Variants in SPTBN5 observed in about 807,000 individuals in gnomAD.
SPTBN5 encodes spectrin beta, non-erythrocytic 5, also known as spectrin beta chain, non-erythrocytic 5.
A neutral mutation model predicts 477.6 loss-of-function variants in SPTBN5; 513 were observed. The observed-to-expected ratio is 1.07, with a 90% confidence interval of 1.00 to 1.16. The LOEUF (loss-of-function observed/expected upper bound fraction) is 1.16. Among genes scored for constraint, SPTBN5 ranks in the 50% most tolerant of loss-of-function variants. The pLI is 0.00. For missense variants in SPTBN5, 5,062 were observed against 4,731.8 expected, an observed-to-expected ratio of 1.07 and a Z score of -2.05; for synonymous variants, 2,169 against 2,011.7, an observed-to-expected ratio of 1.08 and a Z score of -2.09.
At chr15:41,885,164 C>T (rs1567229571) in intron 7 of SPTBN5, among the ~76,000 whole-genome samples, 1 of 152,148 alleles carries the variant, frequency 6.6e-6, no homozygotes, top group Non-Finnish European at 1.5e-5. Context: ...GCTGAGATTA[C>T]AGGCGCCCGC....
At chr15:41,852,088 C>T in intron 62 of SPTBN5, 94 bp downstream of exon 62, 1 of 1,459,460 alleles carries the variant, frequency 6.9e-7, no homozygotes. Flanking sequence ...GCACTGGCTC[C>T]AGGGTGTGGG....
intron 4 of SPTBN5, 64 bp from the exon 5 acceptor site, chr15:41,888,149 G>A: frequency 6.7e-7 from 1 of 1,492,768 alleles, no homozygotes; most frequent in South Asian, 1.2e-5. Flanking sequence ...GAGCCTGCAG[G>A]CTGTGGGAGA....
chr15:41,849,039 C>T (rs572045586), intron 67 of SPTBN5, among the ~76,000 whole-genome samples: 6 of 152,344 alleles, frequency 3.9e-5, no homozygotes, highest in Non-Finnish European at 5.9e-5. Flanking sequence ...GGCTGCCACC[C>T]CTCATGGTAT....
In SPTBN5 at chr15:41,882,255, C is replaced by A; in HGVS notation, c.2247+14G>T. ...GGGCCCCGCCCCCACCCCGCCTCCA[C>A]CCCTCCCCACTACCTGCAGGACCAG... On this transcript the variant is annotated intron_variant, in intron 11 of 67. Coordinates refer to ENST00000320955, the MANE Select transcript of SPTBN5 (RefSeq NM_016642.4). 1.4e-6 allele frequency: 2 copies of A among 1,435,530 alleles called. No homozygotes were observed. Among genetic ancestry groups the A allele is most frequent in the East Asian group, 2.7e-5 (1 of 37,330 alleles). The allele number at this position is 1,435,530 out of a possible 1,614,324, so 88.9% of individuals were successfully genotyped here.
intron 38 of SPTBN5, 61 bp from the exon 39 acceptor site, chr15:41,865,964 G>C: frequency 6.5e-7 from 1 of 1,545,074 alleles, no homozygotes; most frequent in Non-Finnish European, 8.8e-7. Context: ...CCTGGCACCT[G>C]CTGCTGGGGA....
chr15:41,882,721 T>TGTTCCAGCAGGGCCC lies in SPTBN5; in HGVS notation c.1909_1910insGGGCCCTGCTGGAAC (p.Arg632_Glu636dup). 1 of 1,610,170 alleles carries TGTTCCAGCAGGGCCC rather than the reference T, an allele frequency of 6.2e-7. No homozygotes were observed. Among genetic ancestry groups the TGTTCCAGCAGGGCCC allele is most frequent in the Non-Finnish European group, 8.5e-7 (1 of 1,178,544 alleles). Reference sequence around the variant, plus strand: ...CAGGAACTCTGCCCGCTGCAGGGTCTGCTCCAGCAGGGCCCGCCTGAGGGA... The same window carrying TGTTCCAGCAGGGCCC: ...CAGGAACTCTGCCCGCTGCAGGGTCTGTTCCAGCAGGGCCCGCTCCAGCAGGGCCCGCCTGAGGGA... On this transcript the variant is annotated inframe_insertion, in exon 10 of 68. Transcript: ENST00000320955.
rs2065627576 is a variant in SPTBN5, at chr15:41,848,446, TAGGACCCATCTAACCAGAAGGA to T, written c.*148_*169del. On this transcript the variant is annotated 3_prime_UTR_variant, in exon 68 of 68. Coordinates refer to ENST00000320955, the MANE Select transcript of SPTBN5 (RefSeq NM_016642.4). ...GCAATGGCTGTTTCCTGCCACATGG[TAGGACCCATCTAACCAGAAGGA>T]ACTGTCTATTCCAGAAGCTGGGCCT... The T allele has an allele frequency of 4.0e-6, 3 of 753,192 alleles. No homozygotes were observed. Among genetic ancestry groups the T allele is most frequent in the Non-Finnish European group, 7.0e-6 (3 of 427,016 alleles). The allele number at this position is 753,192 out of a possible 1,614,324, so 46.7% of individuals were successfully genotyped here.
At chr15:41,875,332 G>C in intron 22 of SPTBN5, 126 bp downstream of exon 22, 1 of 1,225,266 alleles carries the variant, frequency 8.2e-7, no homozygotes, top group East Asian at 2.5e-5. Flanking sequence ...GCTTGTCCTA[G>C]GCCAGAAGCC....
chr15:41,851,713 C>A, intron 63 of SPTBN5, 66 bp downstream of exon 63: 1 of 1,278,072 alleles, frequency 7.8e-7, no homozygotes. Flanking sequence ...CCAGATGGCT[C>A]TTCGAGCCAC....
rs1442414927 is a variant in SPTBN5 at position 41,878,499 on chromosome 15, G to C, written c.3313C>G (p.Gln1105Glu). The change falls in exon 17 of 68, where the codon CAG becomes GAG. Residue 1105 changes from glutamine (Q) to glutamate (E), a missense_variant. Gln to Glu is a conservative substitution (Grantham distance 29, BLOSUM62 2). Coordinates refer to ENST00000320955, the MANE Select transcript of SPTBN5 (RefSeq NM_016642.4). ...TGCTGGCTCTCTTGCAGGAAGCTCTGCCGGGCCTGAGTCTCAGCCTGGCGC... is the reference window on the plus strand; with the variant it reads ...TGCTGGCTCTCTTGCAGGAAGCTCTCCCGGGCCTGAGTCTCAGCCTGGCGC... ...ARRQAETQAR[Q>E]SFLQESQQLL... 6.2e-7 allele frequency: 1 copy of C among 1,613,286 alleles called. No homozygotes were observed.
At chr15:41,871,682 G>A (rs1350306071) in intron 28 of SPTBN5, 100 bp downstream of exon 28, 21 of 1,428,208 alleles carry the variant, frequency 1.5e-5, no homozygotes, top group South Asian at 3.0e-5. Context: ...AGGGCTCACC[G>A]CTCTGCTGCC....
chr15:41,857,870 G>A (rs1400621112), intron 49 of SPTBN5, among the ~76,000 whole-genome samples, 160 bp from the exon 50 acceptor site: 3 of 152,160 alleles, frequency 2.0e-5, no homozygotes, highest in African/African-American at 4.8e-5. Context: ...TTCCTCATCC[G>A]TATCATAGAG....
At chr15:41,853,152 C>T in intron 59 of SPTBN5, 106 bp downstream of exon 59, 11 of 1,492,116 alleles carry the variant, frequency 7.4e-6, no homozygotes, top group Non-Finnish European at 9.9e-6. Flanking sequence ...TGCCTGCGCC[C>T]AGCCTTCCTT....
chr15:41,861,648 A>G (rs1253311945), intron 45 of SPTBN5, 87 bp downstream of exon 45: 2 of 1,499,352 alleles, frequency 1.3e-6, no homozygotes, highest in Non-Finnish European at 1.8e-6. Context: ...CAGCCCCTCC[A>G]GTCTTAGCCT....
In SPTBN5 at chr15:41,882,114, C is replaced by T; in HGVS notation, c.2279G>A (p.Trp760Ter). The T allele has an allele frequency of 1.3e-6, 2 of 1,574,344 alleles. No individual in the cohort carries two copies. The highest frequency in any genetic ancestry group is 1.7e-6 in the Non-Finnish European group (2 of 1,171,244). ...CAGCGAGGATCGCCGCTCGCGCAGC[C>T]ACGAAGCCGCCTCCGCCGCGTCCGC... Reference protein sequence around the residue: ...YFADAAEAASWLRERRSSLER... With the variant: ...YFADAAEAAS Residue 760 changes from tryptophan to a stop codon, truncating the protein, a stop_gained, in exon 12 of 68, where the codon TGG becomes TAG. Transcript: ENST00000320955. LOFTEE classifies it high-confidence loss of function.
chr15:41,887,874 C>A (rs1483347738), intron 5 of SPTBN5, 54 bp downstream of exon 5: 14 of 1,558,306 alleles, frequency 9.0e-6, no homozygotes, highest in African/African-American at 1.4e-5. Context: ...GGACCCAAAC[C>A]CAGGAGCTGT....
chr15:41,870,590 G>A (rs1428261064), intron 29 of SPTBN5, 30 bp from the exon 30 acceptor site: 3 of 1,577,646 alleles, frequency 1.9e-6, no homozygotes, highest in Non-Finnish European at 2.6e-6. Flanking sequence ...GACCAGCCGG[G>A]GATCAGCTGC....
chr15:41,877,143 C>T lies in SPTBN5; in HGVS notation c.3684G>A (p.Gln1228=). 2 of 1,613,962 alleles carry T rather than the reference C, an allele frequency of 1.2e-6. No homozygotes were observed. The highest frequency in any genetic ancestry group is 2.2e-5 in the South Asian group (2 of 91,062). ...DGFTATCANH[Q]AWLHLDNLGE... is the part of the protein sequence containing the mutation. ...CAAGGTTGTCCAGGTGCAGCCAGGCCTGGTGGTTGGCACAGGTGGCAGTGA... is the reference window on the plus strand; with the variant it reads ...CAAGGTTGTCCAGGTGCAGCCAGGCTTGGTGGTTGGCACAGGTGGCAGTGA... Residue 1228 remains glutamine (Q), a synonymous_variant, in exon 18 of 68, where the codon CAG becomes CAA. Transcript: ENST00000320955.
At chr15:41,851,196 T>C (rs769286574) in intron 64 of SPTBN5, 46 bp from the exon 65 acceptor site, 1 of 1,592,684 alleles carries the variant, frequency 6.3e-7, no homozygotes, top group South Asian at 1.1e-5. Flanking sequence ...ATCTCAGCTT[T>C]TCCCTGTGGG....
Sources: gnomAD v4.1 joint callset for allele counts (sites outside exome capture counted in the v4.1 genomes callset) on GRCh38, gnomAD v4.1.1 for gene constraint, MANE v1.5 for transcripts, NCBI Gene and HGNC (gene_info 2026-07-23, HGNC 2026-07-21) for gene names.